Variants in CAPS2 observed in about 807,000 individuals in gnomAD.
CAPS2 encodes calcyphosin-2.
Under a neutral mutation model 86.5 loss-of-function variants are expected in CAPS2, and 98 were observed. The ratio of observed to expected loss-of-function variants is 1.13; its 90% CI spans 0.96 to 1.34. CAPS2 has a LOEUF of 1.34. Among genes scored for constraint, CAPS2 ranks in the 40% most tolerant of loss-of-function variants. The pLI is 0.00. For missense variants in CAPS2, 729 were observed against 686.8 expected, an observed-to-expected ratio of 1.06 and a Z score of -0.69; for synonymous variants, 210 against 225.1, an observed-to-expected ratio of 0.93 and a Z score of 0.60.
intron 1 of CAPS2, among the ~76,000 whole-genome samples, chr12:75,344,836 C>T (rs773908472): frequency 9.9e-5 from 15 of 152,052 alleles, no homozygotes; most frequent in Admixed American, 3.3e-4. Context: ...ATAAAAGTAG[C>T]GTTTAGTCCA....
chr12:75,282,230 A>G, intron 16 of CAPS2, 21 bp downstream of exon 16: 3 of 1,286,850 alleles, frequency 2.3e-6, no homozygotes, highest in Non-Finnish European at 3.4e-6. Context: ...AGTCCAATGC[A>G]TTTTAACTCC....
At chr12:75,358,367 A>T (rs572355691) in intron 1 of CAPS2, among the ~76,000 whole-genome samples, 32 of 152,010 alleles carry the variant, frequency 2.1e-4, no homozygotes, top group African/African-American at 7.7e-4. Context: ...TTTTAAAAGC[A>T]TAATACACTT....
intron 1 of CAPS2, among the ~76,000 whole-genome samples, chr12:75,375,321 T>C (rs1241433009): frequency 6.6e-6 from 1 of 152,146 alleles, no homozygotes; most frequent in Non-Finnish European, 1.5e-5. Flanking sequence ...CTACTTCAAC[T>C]GGAGGACCAC....
intron 1 of CAPS2, among the ~76,000 whole-genome samples, chr12:75,376,335 T>G (rs1311897281): frequency 6.6e-6 from 1 of 152,218 alleles, no homozygotes; most frequent in Non-Finnish European, 1.5e-5. Context: ...TTCCCATACC[T>G]GTTCTCCAGA....
At chr12:75,281,941 T>C (rs1170488903) in intron 16 of CAPS2, among the ~76,000 whole-genome samples, 1 of 152,094 alleles carries the variant, frequency 6.6e-6, no homozygotes, top group East Asian at 1.9e-4. Context: ...AAAATAACTC[T>C]GAGAACCTGC....
intron 11 of CAPS2, among the ~76,000 whole-genome samples, chr12:75,295,837 T>C (rs2036784746): frequency 6.6e-6 from 1 of 152,222 alleles, no homozygotes; most frequent in Non-Finnish European, 1.5e-5. Context: ...ATCTTTTAGA[T>C]CTTCATAATA....
chr12:75,292,609 A>G (rs1032463182), intron 12 of CAPS2, among the ~76,000 whole-genome samples: 2 of 146,904 alleles, frequency 1.4e-5, no homozygotes, highest in Admixed American at 6.9e-5. Flanking sequence ...TACATATTAT[A>G]TATGTATCTA....
chr12:75,371,386 G>A lies in CAPS2; in HGVS notation c.-395+19452C>T, dbSNP rs184717662. The A allele has an allele frequency of 1.0e-4, 23 of 225,972 alleles. No homozygotes were observed. The East Asian group carries it at 3.5e-3, about 35-fold the overall frequency. 14.0% of individuals were successfully genotyped at this position (225,972 alleles called of 1,614,324 possible). ...TATTCTAGCTGGCAGCCGATTGGATGTTGCCCACCCACATTGAGGTGGGTC... is the reference window on the plus strand; with the variant it reads ...TATTCTAGCTGGCAGCCGATTGGATATTGCCCACCCACATTGAGGTGGGTC... On this transcript the variant is annotated intron_variant, in intron 1 of 5. Transcript: ENST00000551829.
intron 1 of CAPS2, among the ~76,000 whole-genome samples, chr12:75,345,196 A>C (rs1474538734): frequency 1.3e-5 from 2 of 152,064 alleles, no homozygotes; most frequent in Admixed American, 6.6e-5. Flanking sequence ...GAGTGTATCA[A>C]ACTTCTCCTG....
chr12:75,307,256 T>C (rs1416749885), intron 7 of CAPS2, among the ~76,000 whole-genome samples: 2 of 152,202 alleles, frequency 1.3e-5, no homozygotes, highest in East Asian at 3.9e-4. Context: ...AACATATACA[T>C]ATTGTTTAGG....
chr12:75,308,762 A>T lies in CAPS2; in HGVS notation c.660-3886T>A, dbSNP rs150444572. Among the ~76,000 whole-genome samples the T allele has an allele frequency of 6.7e-3, 1,021 of 152,188 alleles. 8 individuals are homozygous for T. The highest frequency in any genetic ancestry group is 0.011 in the Non-Finnish European group (760 of 67,988). ...AGAGCAGAAACAAGGTGAAGGGGTGACTGAGCAAGAAGCGAGATAAGAAGC... is the reference window on the plus strand; with the variant it reads ...AGAGCAGAAACAAGGTGAAGGGGTGTCTGAGCAAGAAGCGAGATAAGAAGC... On this transcript the variant is annotated intron_variant, in intron 7 of 16. Transcript: ENST00000393284.
intron 6 of CAPS2, among the ~76,000 whole-genome samples, chr12:75,314,955 A>T (rs1046659223): frequency 6.6e-6 from 1 of 152,206 alleles, no homozygotes; most frequent in Non-Finnish European, 1.5e-5. Context: ...GATGAGATGG[A>T]CACAAAATCC....
In CAPS2 at chr12:75,379,712, A is replaced by C. The variant is rs572946476; in HGVS notation, c.-395+11126T>G. Among the ~76,000 whole-genome samples the C allele has an allele frequency of 1.1e-4, 17 of 152,304 alleles. No individual in the cohort carries two copies. In the South Asian group the frequency reaches 3.5e-3, roughly 32 times the overall value. On this transcript the variant is annotated intron_variant, in intron 1 of 5. Transcript: ENST00000551829. ...AGTGTGTGTTCCCAGAAATTGCTGA[A>C]TCACTTCAAAATATGAAACAAAGAA...
chr12:75,362,537 T>C (rs1458153291), intron 1 of CAPS2, among the ~76,000 whole-genome samples: 2 of 152,218 alleles, frequency 1.3e-5, no homozygotes, highest in African/African-American at 2.4e-5. Context: ...TATTCTTTAA[T>C]GGAATACTAC....
chr12:75,300,055 A>C (rs1367606440), intron 8 of CAPS2, 144 bp from the exon 9 acceptor site: 1 of 433,734 alleles, frequency 2.3e-6, no homozygotes, highest in Non-Finnish European at 4.2e-6. Flanking sequence ...TCTTTTTTTC[A>C]GATTGCTAAT....
intron 1 of CAPS2, among the ~76,000 whole-genome samples, chr12:75,325,817 G>A (rs543744283): frequency 6.6e-6 from 1 of 152,100 alleles, no homozygotes; most frequent in South Asian, 2.1e-4. Flanking sequence ...AGGGGGGGTA[G>A]GGCCAAGCTG....
At chr12:75,298,436 A>G (rs891662478) in intron 11 of CAPS2, 5 of 461,046 alleles carry the variant, frequency 1.1e-5, no homozygotes, top group African/African-American at 9.6e-5. Flanking sequence ...TCTGGAGACA[A>G]CCCATGTTGT....
chr12:75,375,203 ATT>A (rs1187850195), intron 1 of CAPS2, among the ~76,000 whole-genome samples: 1 of 152,180 alleles, frequency 6.6e-6, no homozygotes, highest in African/African-American at 2.4e-5. Context: ...CCTATTACGC[ATT>A]CTGGCACTGG....
At chr12:75,293,394 C>A in intron 11 of CAPS2, 27 bp from the exon 12 acceptor site, 1 of 1,381,268 alleles carries the variant, frequency 7.2e-7, no homozygotes, top group East Asian at 2.3e-5. Flanking sequence ...ATGAATGAAG[C>A]TAGAAAGCAT....
Sources: allele counts gnomAD v4.1 joint callset (sites outside exome capture counted in the v4.1 genomes callset), GRCh38; gene constraint gnomAD v4.1.1; transcripts MANE v1.5; gene names NCBI Gene and HGNC (gene_info 2026-07-23, HGNC 2026-07-21).